LIFR: variants seen among roughly 807,000 people sequenced by gnomAD.
LIFR encodes the protein LIF receptor subunit alpha.
A neutral mutation model predicts 122.2 loss-of-function variants in LIFR; 84 were observed. That is an observed-to-expected ratio of 0.69 (90% CI 0.58 to 0.82). LIFR has a LOEUF of 0.82. Among genes scored for constraint, LIFR ranks in the 40% least tolerant of loss-of-function variants. The pLI is 0.00. For synonymous variants in LIFR, 422 were observed against 434.7 expected (o/e 0.97, Z 0.36); for missense variants, 1,294 against 1,311.6 (o/e 0.99, Z 0.21).
intron 13 of LIFR, 147 bp downstream of exon 13, chr5:38,496,235 T>C: frequency 4.2e-6 from 3 of 709,138 alleles, no homozygotes; most frequent in East Asian, 2.6e-5. Context: ...CAATGAACTG[T>C]AGACATCAAT....
chr5:38,559,658 GAATA>G (rs754045918), upstream of LIFR, among the ~76,000 whole-genome samples: 14 of 152,144 alleles, frequency 9.2e-5, no homozygotes, highest in Non-Finnish European at 1.8e-4. Flanking sequence ...AGTGTTTGTT[GAATA>G]AATAAAATAA....
At chr5:38,516,435 AT>A (rs1216651836) in intron 5 of LIFR, among the ~76,000 whole-genome samples, 3 of 152,244 alleles carry the variant, frequency 2.0e-5, no homozygotes, top group African/African-American at 7.2e-5. Context: ...AAAAGAAGAC[AT>A]TTATGTGGCC....
intron 1 of LIFR, among the ~76,000 whole-genome samples, chr5:38,547,061 C>T (rs1383705888): frequency 6.6e-6 from 1 of 152,170 alleles, no homozygotes; most frequent in Non-Finnish European, 1.5e-5. Context: ...AAATCCCCAA[C>T]ACCCCCAAAA....
chr5:38,528,863 CACACACACACACACAG>C (rs752757847), intron 2 of LIFR, 23 bp from the exon 3 acceptor site: 542 of 1,048,710 alleles, frequency 5.2e-4, no homozygotes, highest in South Asian at 6.6e-4. Context: ...CACACACACA[CACACACACACACACAG>C]ACACACATAA....
At chr5:38,527,114 C>A (rs897927533) in intron 4 of LIFR, 41 bp downstream of exon 4, 66 of 1,535,600 alleles carry the variant, frequency 4.3e-5, no homozygotes, top group Admixed American at 9.3e-5. Flanking sequence ...ACAAGTGACA[C>A]TTGACTTACT....
intron 18 of LIFR, among the ~76,000 whole-genome samples, chr5:38,483,782 T>TA (rs1744126307): frequency 1.3e-5 from 2 of 152,206 alleles, no homozygotes; most frequent in African/African-American, 4.8e-5. Flanking sequence ...GTTACCAAAA[T>TA]AGACTATTCT....
intron 1 of LIFR, chr5:38,579,677 C>G (rs1749519756): frequency 6.6e-6 from 1 of 152,080 alleles, no homozygotes; most frequent in Admixed American, 6.5e-5. Flanking sequence ...GTATACTCAC[C>G]AAGAAAGTCA....
chr5:38,475,925 T>C lies in LIFR; in HGVS notation c.*5670A>G, dbSNP rs3822425. The C allele has an allele frequency of 0.32, 60,770 of 192,484 alleles. 10,116 individuals carry two copies. Among genetic ancestry groups the C allele is most frequent in the East Asian group, 0.41 (4,974 of 12,154 alleles). 11.9% of individuals were successfully genotyped at this position (192,484 alleles called of 1,614,324 possible). ...TTTTGCAAGCAATTCTGAATTTAAA[T>C]GTATTTAAGAAAAAGCCGTGCTCTT... On this transcript the variant is annotated 3_prime_UTR_variant, in exon 20 of 20. Transcript: ENST00000453190.
intron 2 of LIFR, among the ~76,000 whole-genome samples, chr5:38,605,361 G>T (rs1286063606): frequency 6.6e-6 from 1 of 152,130 alleles, no homozygotes; most frequent in Non-Finnish European, 1.5e-5. Context: ...TTCACTACTT[G>T]CTCGCTTTGT....
chr5:38,510,620 A>G lies in LIFR; in HGVS notation c.835T>C (p.Ser279Pro), dbSNP rs1745747243. 1 of 1,614,068 alleles carries G rather than the reference A, an allele frequency of 6.2e-7. No individual in the cohort carries two copies. The highest frequency in any genetic ancestry group is 8.5e-7 in the Non-Finnish European group (1 of 1,179,968). The change falls in exon 7 of 20, where the codon TCA becomes CCA. Residue 279 changes from serine (S) to proline (P), a missense_variant. By Grantham distance (74) the Ser-to-Pro change is moderately conservative. Transcript: ENST00000453190. ...FCCVSQEKVL[S>P]ALIGHTNCPL... ...CAGTTTGTATGGCCAATCAGTGCTG[A>G]TAACACTTTTTCTTGACTCACACAA...
chr5:38,571,503 C>A (rs1580210348), intron 1 of LIFR, among the ~76,000 whole-genome samples: 1 of 118,414 alleles, frequency 8.4e-6, no homozygotes, highest in Non-Finnish European at 1.6e-5. Flanking sequence ...TGCAGTGAGC[C>A]AAGATTGTGC....
At chr5:38,544,293 G>A (rs1166327178) in intron 1 of LIFR, among the ~76,000 whole-genome samples, 2 of 152,088 alleles carry the variant, frequency 1.3e-5, no homozygotes, top group Non-Finnish European at 2.9e-5. Flanking sequence ...AAACCGTCTA[G>A]TGGATTCTCC....
chr5:38,505,180 G>C (rs1007358489), intron 9 of LIFR, among the ~76,000 whole-genome samples: 7 of 151,016 alleles, frequency 4.6e-5, no homozygotes, highest in African/African-American at 1.7e-4. Context: ...AAAAAAAAAT[G>C]CCAAACTGCA....
intron 17 of LIFR, 86 bp downstream of exon 17, chr5:38,485,733 G>T: frequency 6.9e-7 from 1 of 1,447,684 alleles, no homozygotes; most frequent in Non-Finnish European, 9.7e-7. Flanking sequence ...TAGAAAGGGC[G>T]GGGAGGGGTT....
chr5:38,518,597 C>T (rs904364703), intron 5 of LIFR, among the ~76,000 whole-genome samples: 1 of 152,138 alleles, frequency 6.6e-6, no homozygotes, highest in Non-Finnish European at 1.5e-5. Context: ...TACTGTGCTG[C>T]TGGTATAAGA....
At chr5:38,534,859 C>A (rs879482935) in intron 1 of LIFR, among the ~76,000 whole-genome samples, 1 of 152,120 alleles carries the variant, frequency 6.6e-6, no homozygotes, top group Non-Finnish European at 1.5e-5. Flanking sequence ...CATAAATATT[C>A]TTGAGAAGGG....
chr5:38,489,253 A>T lies in LIFR; in HGVS notation c.2168-8T>A, dbSNP rs770356857. ...TTGGTGCAACAATGGGAGCTGTAAA[A>T]GGAAAAAGTCAATTGCTAAAGGGGA... On this transcript the variant is annotated splice_region_variant and splice_polypyrimidine_tract_variant and intron_variant, in intron 15 of 19. Coordinates refer to ENST00000453190, the MANE Select transcript of LIFR (RefSeq NM_001127671.2). The T allele has an allele frequency of 6.2e-7, 1 of 1,609,794 alleles. No homozygotes were observed. Among genetic ancestry groups the T allele is most frequent in the Non-Finnish European group, 8.5e-7 (1 of 1,177,534 alleles).
In LIFR at chr5:38,506,598, C is replaced by T; in HGVS notation, c.1026G>A (p.Glu342=). 6.2e-7 allele frequency: 1 copy of T among 1,613,382 alleles called. No individual in the cohort carries two copies. Among genetic ancestry groups the T allele is most frequent in the Non-Finnish European group, 8.5e-7 (1 of 1,179,394 alleles). ...ATATAATTTCTTTTAAATCATGTGT[C>T]TCACAATTCAGTTGTTGAGGAGTAT... ...PPDTPQQLNC[E]THDLKEIICS... The change falls in exon 8 of 20, where the codon GAG becomes GAA. Residue 342 remains glutamate (E), a synonymous_variant. Transcript: ENST00000453190.
intron 1 of LIFR, among the ~76,000 whole-genome samples, chr5:38,580,708 CT>C (rs1356313831): frequency 6.6e-6 from 1 of 152,256 alleles, no homozygotes; most frequent in Admixed American, 6.5e-5. Flanking sequence ...TAAACCTGCT[CT>C]TTTTTTCCCT....
Sources: gnomAD v4.1 joint callset for allele counts (sites outside exome capture counted in the v4.1 genomes callset) on GRCh38, gnomAD v4.1.1 for gene constraint, MANE v1.5 for transcripts, NCBI Gene and HGNC (gene_info 2026-07-23, HGNC 2026-07-21) for gene names.